Variants in TMEM184B observed in about 807,000 individuals in gnomAD.
TMEM184B encodes the protein transmembrane protein 184B, also known as putative MAPK-activating protein FM08.
TMEM184B carries 17 observed loss-of-function variants against 41.8 expected under a neutral mutation model. The ratio of observed to expected loss-of-function variants is 0.41; its 90% confidence interval spans 0.28 to 0.61. TMEM184B has a LOEUF of 0.61. Among genes scored for constraint, TMEM184B ranks in the 20% least tolerant of loss-of-function variants. The pLI is 0.34. For synonymous variants in TMEM184B, 240 were observed against 229.5 expected, an observed-to-expected ratio of 1.05 and a Z score of -0.41; for missense variants, 393 against 557.8, an observed-to-expected ratio of 0.70 and a Z score of 2.98.
At chr22:38,271,000 A>G (rs1295138403) in intron 1 of TMEM184B, among the ~76,000 whole-genome samples, 8 of 152,178 alleles carry the variant, frequency 5.3e-5, no homozygotes, top group Non-Finnish European at 1.2e-4. Context: ...TCTGCCTCGA[A>G]GCTCTTCTTT....
chr22:38,216,958 G>A (rs530172734), downstream of TMEM184B, among the ~76,000 whole-genome samples: 2 of 152,244 alleles, frequency 1.3e-5, no homozygotes, highest in African/African-American at 4.8e-5. Context: ...TGAGGTGGGA[G>A]GATCACTTGA....
chr22:38,240,615 T>C (rs2091882552), intron 3 of TMEM184B, among the ~76,000 whole-genome samples: 1 of 150,200 alleles, frequency 6.7e-6, no homozygotes, highest in African/African-American at 2.5e-5. Context: ...GCATCCACAC[T>C]GGAAGGGCCC....
chr22:38,272,732 G>T, intron 1 of TMEM184B, 152 bp downstream of exon 1: 2 of 985,308 alleles, frequency 2.0e-6, no homozygotes, highest in Non-Finnish European at 2.4e-6. Context: ...CTCCGCGGCC[G>T]CACCGGCCTC....
At chr22:38,245,406 G>T (rs2092001931) in intron 3 of TMEM184B, among the ~76,000 whole-genome samples, 1 of 146,042 alleles carries the variant, frequency 6.8e-6, no homozygotes, top group South Asian at 2.2e-4. Context: ...GCATTGAGAA[G>T]CGAGACCCAG....
intron 1 of TMEM184B, among the ~76,000 whole-genome samples, chr22:38,259,352 C>T (rs1229330381): frequency 3.3e-5 from 5 of 152,128 alleles, no homozygotes; most frequent in Non-Finnish European, 5.9e-5. Context: ...AACATGCTAC[C>T]TTACATGGCA....
Position 38,220,603 on chromosome 22 carries a change from G to C in TMEM184B, c.*866C>G, listed in dbSNP as rs1434714163. 1.0e-6 allele frequency: 1 copy of C among 986,202 alleles called. No homozygotes were observed. Among genetic ancestry groups the C allele is most frequent in the East Asian group, 1.1e-4 (1 of 8,812 alleles). 61.1% of individuals were successfully genotyped at this position (986,202 alleles called of 1,614,324 possible). ...AAACGGGAGGGAGAAGCCCCAAAGA[G>C]AGAGAGGACCCAGCATCAGCCTGGG... is the stretch of plus-strand genomic sequence containing the variant. On this transcript the variant is annotated 3_prime_UTR_variant, in exon 9 of 9. Coordinates refer to ENST00000361906, the MANE Select transcript of TMEM184B (RefSeq NM_012264.5).
At chr22:38,261,094 C>G (rs953837471) in intron 1 of TMEM184B, among the ~76,000 whole-genome samples, 2 of 152,206 alleles carry the variant, frequency 1.3e-5, no homozygotes, top group African/African-American at 4.8e-5. Context: ...CCCACTCCAG[C>G]CGCCTGGGAA....
At chr22:38,224,242 G>A (rs972708554) in intron 8 of TMEM184B, 1 of 152,186 alleles carries the variant, frequency 6.6e-6, no homozygotes, top group African/African-American at 2.4e-5. Context: ...AGCCTCCCGA[G>A]TAGCTCGGAC....
intron 4 of TMEM184B, 61 bp downstream of exon 4, chr22:38,231,183 C>T: frequency 4.1e-6 from 6 of 1,449,756 alleles, no homozygotes; most frequent in South Asian, 1.1e-5. Flanking sequence ...CAGGACGGCT[C>T]GAGGTACACC....
Position 38,225,842 on chromosome 22 carries a change from C to T in TMEM184B, c.618-249G>A, listed in dbSNP as rs1199306484. Among the ~76,000 whole-genome samples, 3 of 152,170 alleles carry T rather than the reference C, an allele frequency of 2.0e-5. No homozygotes were observed. The highest frequency in any genetic ancestry group is 4.4e-5 in the Non-Finnish European group (3 of 68,028). The stretch of plus-strand genomic sequence containing the variant: ...GTGGACTTGTCTAAGCCCTGGTGCC[C>T]ACACTCCTAACGTTGGACACCAGTG... On this transcript the variant is annotated intron_variant, in intron 6 of 8. Transcript: ENST00000361906. This position sits in a 1 kb window ranked among gnomAD's most constrained non-coding sequence, Gnocchi z 4.4.
chr22:38,218,032 C>T (rs2091171630), downstream of TMEM184B, among the ~76,000 whole-genome samples: 1 of 152,030 alleles, frequency 6.6e-6, no homozygotes, highest in African/African-American at 2.4e-5. Flanking sequence ...ACAGTCCCAC[C>T]CAGAGAGGAA....
chr22:38,233,217 G>A (rs1229995221), intron 3 of TMEM184B, among the ~76,000 whole-genome samples: 1 of 152,206 alleles, frequency 6.6e-6, no homozygotes, highest in Admixed American at 6.5e-5. Flanking sequence ...CCCATCTCCA[G>A]GTGGCATCCC....
Position 38,219,689 on chromosome 22 carries a change from C to T in TMEM184B, c.*1780G>A. On this transcript the variant is annotated 3_prime_UTR_variant, in exon 9 of 9. Transcript: ENST00000361906. Reference sequence around the variant, plus strand: ...AACAGCAACGCTGGGCAGGCGAAAACCAAGGGAGTGGGAATCAGCAGCACT... The same window carrying T: ...AACAGCAACGCTGGGCAGGCGAAAATCAAGGGAGTGGGAATCAGCAGCACT... 1.0e-6 allele frequency: 1 copy of T among 985,370 alleles called. No homozygotes were observed. Among genetic ancestry groups the T allele is most frequent in the African/African-American group, 1.7e-5 (1 of 57,208 alleles). The allele number at this position is 985,370 out of a possible 1,614,324, so 61.0% of individuals were successfully genotyped here.
chr22:38,260,480 C>T (rs1467252558), intron 1 of TMEM184B, among the ~76,000 whole-genome samples: 1 of 152,204 alleles, frequency 6.6e-6, no homozygotes, highest in Non-Finnish European at 1.5e-5. Context: ...AATGGTTCTT[C>T]CGACTGCCAC....
intron 2 of TMEM184B, 101 bp downstream of exon 2, chr22:38,247,669 A>T: frequency 7.2e-7 from 1 of 1,396,882 alleles, no homozygotes; most frequent in Non-Finnish European, 9.5e-7. Context: ...GGGCTTACCT[A>T]CTACTGCAGT....
At position 38,247,853 on chromosome 22, in the gene TMEM184B, G is replaced by A; in HGVS notation, c.109C>T (p.Gln37Ter). The A allele has an allele frequency of 6.2e-7, 1 of 1,613,708 alleles. No individual in the cohort carries two copies. The highest frequency in any genetic ancestry group is 8.5e-7 in the Non-Finnish European group (1 of 1,179,938). ...IPEGSPTAME[Q>*]PVFLMTTAAQ... ...GCAGTTGTCATCAGGAACACAGGCT[G>A]CTCCATGGCAGTGGGGCTGCCCTCG... The change falls in exon 2 of 9, where the codon CAG (glutamine) becomes TAG (stop). Residue 37 changes from glutamine (Q) to a stop codon, truncating the protein, a stop_gained. Transcript: ENST00000361906. LOFTEE classifies it high-confidence loss of function.
Position 38,247,888 on chromosome 22 carries a change from G to A in TMEM184B, c.74C>T (p.Ser25Phe). ...AGTGGGGCTGCCCTCGGGGATCACG[G>A]AGACGCTGGGCGAGGCTGCTGCGGT... ...PTTAAASPSV[S>F]VIPEGSPTAM... Residue 25 changes from serine (S) to phenylalanine (F), a missense_variant, in exon 2 of 9, where the codon TCC becomes TTC. Around this residue, in one of 2 missense-constraint regions of TMEM184B, gnomAD observed 122 missense variants for 123.7 expected, o/e 0.99. Coordinates refer to ENST00000361906, the MANE Select transcript of TMEM184B (RefSeq NM_012264.5). 6.2e-7 allele frequency: 1 copy of A among 1,611,052 alleles called. No individual in the cohort carries two copies.
In TMEM184B at chr22:38,231,067, G is replaced by A. The variant is rs543042311; in HGVS notation, c.449+177C>T. 2.6e-4 allele frequency among the ~76,000 whole-genome samples: 40 copies of A among 152,296 alleles called. No homozygotes were observed. In the South Asian group the frequency reaches 2.9e-3, roughly 11 times the overall value. On this transcript the variant is annotated intron_variant, in intron 4 of 8. Transcript: ENST00000361906. ...GAGACAGAGAGAGAAAGACTGAGCC[G>A]CAGAGGCCCTCCTAAAACGCCCAGA...
downstream of TMEM184B, among the ~76,000 whole-genome samples, chr22:38,217,884 G>T (rs1243971203): frequency 6.6e-6 from 1 of 151,848 alleles, no homozygotes; most frequent in Non-Finnish European, 1.5e-5. Context: ...GCCAGTCATG[G>T]TGGTGTGGTT....
Sources: allele counts gnomAD v4.1 joint callset (sites outside exome capture counted in the v4.1 genomes callset), GRCh38; gene constraint gnomAD v4.1.1; regional missense constraint gnomAD v4.1.1; non-coding constraint Gnocchi (gnomAD v3.1); transcripts MANE v1.5; gene names NCBI Gene and HGNC (gene_info 2026-07-23, HGNC 2026-07-21).